The following ADGRB3 variants were observed in gnomAD, a reference collection of about 807,000 sequenced individuals.
ADGRB3 encodes the protein brain-specific angiogenesis inhibitor 3.
Under a neutral mutation model 193.4 loss-of-function variants are expected in ADGRB3, and 37 were observed. That is an observed-to-expected ratio of 0.19 (90% CI 0.15 to 0.25). ADGRB3 has a LOEUF of 0.25. ADGRB3 is among the 10% of genes least tolerant of loss of function. The probability of loss-of-function intolerance (pLI) is 1.00; values close to 1 mark genes in which losing one functional copy is unlikely to be tolerated. For missense variants in ADGRB3, 1,637 were observed against 1,852.9 expected, an observed-to-expected ratio of 0.88 and a Z score of 2.14; for synonymous variants, 690 against 644.2, an observed-to-expected ratio of 1.07 and a Z score of -1.08.
At chr6:69,335,912 A>G (rs1393935067) in intron 24 of ADGRB3, among the ~76,000 whole-genome samples, 2 of 152,054 alleles carry the variant, frequency 1.3e-5, no homozygotes, top group Non-Finnish European at 1.5e-5. Context: ...GTTATTAGAA[A>G]CAGCCAACCA....
At chr6:68,910,093 C>T (rs1766658259) in intron 3 of ADGRB3, among the ~76,000 whole-genome samples, 1 of 152,072 alleles carries the variant, frequency 6.6e-6, no homozygotes. Flanking sequence ...TTAATGATTG[C>T]CATTCTAACT....
intron 3 of ADGRB3, among the ~76,000 whole-genome samples, chr6:68,896,293 A>G (rs978630332): frequency 6.6e-6 from 1 of 152,266 alleles, no homozygotes; most frequent in East Asian, 1.9e-4. Context: ...ACTACTATGT[A>G]GAGGGAATAC....
At chr6:68,982,649 A>G (rs1013142438) in intron 10 of ADGRB3, among the ~76,000 whole-genome samples, 1 of 152,200 alleles carries the variant, frequency 6.6e-6, no homozygotes, top group African/African-American at 2.4e-5. Context: ...TCTTAAAGGA[A>G]AGGGAAAATT....
At chr6:69,281,113 A>T (rs1245896507) in intron 20 of ADGRB3, among the ~76,000 whole-genome samples, 1 of 152,162 alleles carries the variant, frequency 6.6e-6, no homozygotes, top group Non-Finnish European at 1.5e-5. Flanking sequence ...AGACCATAGA[A>T]CAACTTTGTT....
intron 13 of ADGRB3, among the ~76,000 whole-genome samples, chr6:69,026,119 CA>C (rs1770427238): frequency 6.6e-6 from 1 of 152,186 alleles, no homozygotes; most frequent in Non-Finnish European, 1.5e-5. Context: ...ATGAATTAGA[CA>C]AACCTCTTGC....
At chr6:69,069,808 C>T (rs1300239341) in intron 16 of ADGRB3, among the ~76,000 whole-genome samples, 4 of 149,858 alleles carry the variant, frequency 2.7e-5, no homozygotes, top group African/African-American at 9.8e-5. Flanking sequence ...TTTGCAGATC[C>T]AGTTAGGCAA....
intron 3 of ADGRB3, among the ~76,000 whole-genome samples, chr6:68,724,671 T>A (rs1221501800): frequency 6.6e-6 from 1 of 151,550 alleles, no homozygotes; most frequent in African/African-American, 2.4e-5. Flanking sequence ...ATATTTTTTT[T>A]TTTTTTGGTA....
At chr6:69,365,869 G>C (rs750367745) in intron 29 of ADGRB3, among the ~76,000 whole-genome samples, 1 of 152,016 alleles carries the variant, frequency 6.6e-6, no homozygotes, top group Non-Finnish European at 1.5e-5. Flanking sequence ...GCTGTTGTGA[G>C]GATCAAATTA....
chr6:69,030,453 A>C (rs561737784), intron 13 of ADGRB3, among the ~76,000 whole-genome samples: 54 of 152,320 alleles, frequency 3.5e-4, no homozygotes, highest in African/African-American at 1.3e-3. Flanking sequence ...GGATGAGTTC[A>C]TGTTCTTTGC....
chr6:69,054,669 C>G (rs530694), intron 15 of ADGRB3, among the ~76,000 whole-genome samples: 75,345 of 151,880 alleles, frequency 0.5, 20,794 homozygotes, highest in East Asian at 0.96. Flanking sequence ...TTTAAAATCT[C>G]GGTTTAGTTT....
chr6:69,313,906 C>T (rs73745998), intron 20 of ADGRB3, among the ~76,000 whole-genome samples: 5,226 of 151,784 alleles, frequency 0.034, 291 homozygotes, highest in African/African-American at 0.11. Flanking sequence ...TAACACTTTA[C>T]TCTGGTCTCT....
chr6:69,074,796 T>C (rs1172537094), intron 16 of ADGRB3, among the ~76,000 whole-genome samples: 3 of 152,124 alleles, frequency 2.0e-5, no homozygotes, highest in South Asian at 4.1e-4. Flanking sequence ...CTGCCCTCCT[T>C]GGCCTCCCAA....
At chr6:68,755,890 A>G (rs916125124) in intron 3 of ADGRB3, among the ~76,000 whole-genome samples, 9 of 152,156 alleles carry the variant, frequency 5.9e-5, no homozygotes, top group African/African-American at 2.2e-4. Flanking sequence ...TTTTATCTCA[A>G]CCTTCTTTGA....
intron 3 of ADGRB3, among the ~76,000 whole-genome samples, chr6:68,875,590 T>C (rs1765575685): frequency 6.6e-6 from 1 of 152,066 alleles, no homozygotes; most frequent in Admixed American, 6.6e-5. Context: ...TGTTTCATTA[T>C]GCTGACACAG....
At chr6:69,341,892 G>C (rs1274877594) in intron 26 of ADGRB3, among the ~76,000 whole-genome samples, 1 of 151,998 alleles carries the variant, frequency 6.6e-6, no homozygotes, top group African/African-American at 2.4e-5. Flanking sequence ...AGGTGTTTAG[G>C]AGTAGAACAG....
rs913740622 is a variant in ADGRB3 at position 69,271,551 on chromosome 6, A to G, written c.2814+32325A>G. Among the ~76,000 whole-genome samples, 5 of 152,318 alleles carry G rather than the reference A, an allele frequency of 3.3e-5. No individual in the cohort carries two copies. In the East Asian group the frequency reaches 9.6e-4, roughly 29 times the overall value. On this transcript the variant is annotated intron_variant, in intron 20 of 31. Transcript: ENST00000370598. ...TTTTTGGTAATGTGTTTGTAAATCAACCAGTAGGCATCCAAGTTCCCTTAA... is the reference window on the plus strand; with the variant it reads ...TTTTTGGTAATGTGTTTGTAAATCAGCCAGTAGGCATCCAAGTTCCCTTAA...
chr6:69,226,112 T>C (rs1020137335), intron 17 of ADGRB3, among the ~76,000 whole-genome samples: 3 of 152,166 alleles, frequency 2.0e-5, no homozygotes, highest in Non-Finnish European at 4.4e-5. Flanking sequence ...TAAATAATGT[T>C]CATGACCTCA....
chr6:69,121,674 C>T (rs551807101), intron 17 of ADGRB3, among the ~76,000 whole-genome samples: 7 of 146,256 alleles, frequency 4.8e-5, no homozygotes, highest in Admixed American at 3.4e-4. Context: ...GCAGCCAGGC[C>T]GAGGCACTCC....
At chr6:68,886,582 C>T (rs1054353406) in intron 3 of ADGRB3, among the ~76,000 whole-genome samples, 12 of 151,994 alleles carry the variant, frequency 7.9e-5, no homozygotes, top group East Asian at 1.9e-4. Flanking sequence ...AGAATATTGT[C>T]TTGTTTACTT....
Sources: gnomAD v4.1 joint callset for allele counts (sites outside exome capture counted in the v4.1 genomes callset) on GRCh38, gnomAD v4.1.1 for gene constraint, MANE v1.5 for transcripts, NCBI Gene and HGNC (gene_info 2026-07-23, HGNC 2026-07-21) for gene names.